Variants in NTF3 observed in about 807,000 individuals in gnomAD.
NTF3 encodes neurotrophin-3.
NTF3 carries 8 observed loss-of-function variants against 26.3 expected under a neutral mutation model. The ratio of observed to expected loss-of-function variants is 0.30; its 90% CI spans 0.18 to 0.55. The LOEUF (loss-of-function observed/expected upper bound fraction) is 0.55. NTF3 is among the 20% of genes least tolerant of loss of function. NTF3 has a pLI of 0.93. For missense variants in NTF3, 276 were observed against 352.9 expected (o/e 0.78, Z 1.75); for synonymous variants, 154 against 145.5 (o/e 1.06, Z -0.42).
chr12:5,434,358 G>T (rs1417181148), intron 1 of NTF3, among the ~76,000 whole-genome samples: 2 of 152,178 alleles, frequency 1.3e-5, no homozygotes, highest in Non-Finnish European at 2.9e-5. Context: ...GTGAGGACTG[G>T]AGTGTAGCTG....
At chr12:5,458,880 C>T (rs889527172) in intron 1 of NTF3, among the ~76,000 whole-genome samples, 7 of 152,146 alleles carry the variant, frequency 4.6e-5, no homozygotes, top group Non-Finnish European at 7.4e-5. Flanking sequence ...CACACACACA[C>T]ACGTGCACAC....
At chr12:5,454,552 C>T (rs1940413484) in intron 1 of NTF3, among the ~76,000 whole-genome samples, 1 of 152,212 alleles carries the variant, frequency 6.6e-6, no homozygotes, top group African/African-American at 2.4e-5. Context: ...GCAGGGTGAG[C>T]TGTGTGCTAA....
At chr12:5,476,783 G>A in intron 1 of NTF3, among the ~76,000 whole-genome samples, 1 of 152,180 alleles carries the variant, frequency 6.6e-6, no homozygotes. Context: ...TCAAGATTTT[G>A]TTTAGGTAGA....
intron 1 of NTF3, among the ~76,000 whole-genome samples, chr12:5,481,072 C>A (rs1254610433): frequency 6.6e-6 from 1 of 152,038 alleles, no homozygotes; most frequent in Non-Finnish European, 1.5e-5. Context: ...AGAGCTGGCT[C>A]GCTGCTCTGT....
At chr12:5,465,246 G>C (rs566333556) in intron 1 of NTF3, among the ~76,000 whole-genome samples, 16 of 152,198 alleles carry the variant, frequency 1.1e-4, no homozygotes, top group Non-Finnish European at 1.9e-4. Flanking sequence ...ACAGCTTCAG[G>C]GAGAGCCCGA....
rs116107657 is a variant in NTF3 at position 5,444,015 on chromosome 12, T to C, written c.18+11673T>C. 1.4e-3 allele frequency among the ~76,000 whole-genome samples: 206 copies of C among 152,358 alleles called. 2 individuals carry two copies. The highest frequency in any genetic ancestry group is 4.7e-3 in the African/African-American group (197 of 41,580). ...ACCTCAGCTCGTCACTGTAATCCTC[T>C]GACATTTCCCTTTTACTTTTTGGCT... On this transcript the variant is annotated intron_variant, in intron 1 of 1. Transcript: ENST00000423158.
At chr12:5,434,472 AGTGTGTGTGTGT>A (rs59874216) in intron 1 of NTF3, among the ~76,000 whole-genome samples, 14 of 142,788 alleles carry the variant, frequency 9.8e-5, no homozygotes, top group African/African-American at 2.7e-4. Context: ...GTTTTTCCAA[AGTGTGTGTGTGT>A]GTGTGTGTGT....
chr12:5,481,545 ACATAT>A (rs2121234650), intron 1 of NTF3, among the ~76,000 whole-genome samples: 1 of 136,276 alleles, frequency 7.3e-6, no homozygotes, highest in South Asian at 2.4e-4. Context: ...TTCACAGAAT[ACATAT>A]ATGCACACAC....
chr12:5,432,017 G>A (rs1334321162), upstream of NTF3: 1 of 155,030 alleles, frequency 6.5e-6, no homozygotes, highest in Admixed American at 6.6e-5. Flanking sequence ...CGGCGGGGGA[G>A]GGCGGCGCGG....
intron 1 of NTF3, among the ~76,000 whole-genome samples, chr12:5,462,565 G>T (rs919861867): frequency 5.3e-5 from 8 of 152,188 alleles, no homozygotes; most frequent in Non-Finnish European, 8.8e-5. Flanking sequence ...GTATGAATTT[G>T]CAGCGGCATG....
At chr12:5,457,228 T>G (rs906036188) in intron 1 of NTF3, among the ~76,000 whole-genome samples, 9 of 152,242 alleles carry the variant, frequency 5.9e-5, no homozygotes, top group African/African-American at 2.2e-4. Flanking sequence ...CGGGGTTCTG[T>G]GACTGGTGGC....
chr12:5,489,921 A>C (rs1396809684), intron 1 of NTF3, among the ~76,000 whole-genome samples: 2 of 152,160 alleles, frequency 1.3e-5, no homozygotes, highest in Non-Finnish European at 2.9e-5. Context: ...GAGTATTTTG[A>C]GGGATGGTGA....
rs1308438858 is a variant in NTF3 at position 5,433,524 on chromosome 12, C to G, written c.18+1182C>G. Among the ~76,000 whole-genome samples the G allele has an allele frequency of 6.6e-6, 1 of 151,726 alleles. No individual in the cohort carries two copies. The highest frequency in any genetic ancestry group is 1.5e-5 in the Non-Finnish European group (1 of 67,970). On this transcript the variant is annotated intron_variant, in intron 1 of 1. Coordinates refer to ENST00000423158, the MANE Select transcript of NTF3 (RefSeq NM_001102654.2). This position sits in a 1 kb window ranked among gnomAD's most constrained non-coding sequence, Gnocchi z 4.6. ...GCTCTCCGCGGGAGTGGGTGCGCGT[C>G]CAGGAGGCGCTGCTTCTTTGCGGGA...
Position 5,432,229 on chromosome 12 carries a change from A to T in NTF3, c.-96A>T. The T allele has an allele frequency of 7.6e-7, 1 of 1,315,438 alleles. No individual in the cohort carries two copies. Among genetic ancestry groups the T allele is most frequent in the African/African-American group, 1.5e-5 (1 of 68,934 alleles). 81.5% of individuals were successfully genotyped at this position (1,315,438 alleles called of 1,614,324 possible). A position where few individuals can be genotyped will look rare whatever the true frequency, so the allele number is the denominator to read the frequency against. ...TCCTCTCCTTTTTCCCCTGCTGGGT[A>T]GTGGCTGCGGCGGGGTGGGGGAGAC... On this transcript the variant is annotated 5_prime_UTR_variant, in exon 1 of 2. Coordinates refer to ENST00000423158, the MANE Select transcript of NTF3 (RefSeq NM_001102654.2).
At chr12:5,449,131 T>TGC (rs1462794380) in intron 1 of NTF3, among the ~76,000 whole-genome samples, 11 of 152,248 alleles carry the variant, frequency 7.2e-5, no homozygotes, top group Admixed American at 5.9e-4. Context: ...TGATGGATGA[T>TGC]TGAGGAGAGC....
At chr12:5,485,898 C>T (rs1265331842) in intron 1 of NTF3, among the ~76,000 whole-genome samples, 1 of 152,142 alleles carries the variant, frequency 6.6e-6, no homozygotes, top group East Asian at 1.9e-4. Flanking sequence ...GCCTCAGTTC[C>T]CTAGTCTGTA....
intron 1 of NTF3, among the ~76,000 whole-genome samples, chr12:5,461,720 T>C (rs1940528776): frequency 1.3e-5 from 2 of 152,164 alleles, no homozygotes; most frequent in African/African-American, 4.8e-5. Context: ...ACATAAAATG[T>C]GCCCTCTCTA....
chr12:5,441,400 G>A (rs1350162641), intron 1 of NTF3, among the ~76,000 whole-genome samples: 1 of 152,122 alleles, frequency 6.6e-6, no homozygotes, highest in Non-Finnish European at 1.5e-5. Context: ...AGCATTGGAG[G>A]ATATATTCTG....
intron 1 of NTF3, among the ~76,000 whole-genome samples, chr12:5,455,114 C>A (rs115017853): frequency 0.01 from 1,548 of 152,276 alleles, 25 homozygotes; most frequent in African/African-American, 0.035. Context: ...GTGAGCACAG[C>A]CCCTGTTCTT....
Sources: gnomAD v4.1 joint callset for allele counts (sites outside exome capture counted in the v4.1 genomes callset) on GRCh38, gnomAD v4.1.1 for gene constraint, Gnocchi (gnomAD v3.1) non-coding constraint, MANE v1.5 for transcripts, NCBI Gene and HGNC (gene_info 2026-07-23, HGNC 2026-07-21) for gene names.